The following TAFA5 variants were observed in gnomAD, a reference collection of about 807,000 sequenced individuals.
The protein encoded by TAFA5 is TAFA chemokine like family member 5.
Under a neutral mutation model 15.3 loss-of-function variants are expected in TAFA5, and 6 were observed. The ratio of observed to expected loss-of-function variants is 0.39; its 90% confidence interval spans 0.21 to 0.77. The LOEUF (loss-of-function observed/expected upper bound fraction) is 0.77. Among genes scored for constraint, TAFA5 ranks in the 30% least tolerant of loss-of-function variants. The pLI, the probability that TAFA5 is intolerant of heterozygous loss-of-function variation, is 0.41. For synonymous variants in TAFA5, 103 were observed against 80.7 expected, an observed-to-expected ratio of 1.28 and a Z score of -1.48; for missense variants, 161 against 193.1, an observed-to-expected ratio of 0.83 and a Z score of 0.98.
chr22:48,511,836 G>A (rs550484751), intron 1 of TAFA5, among the ~76,000 whole-genome samples: 6 of 152,252 alleles, frequency 3.9e-5, no homozygotes, highest in Non-Finnish European at 7.3e-5. Context: ...CTTGTGCCTG[G>A]TGCGTCCCCC....
At chr22:48,565,625 A>G (rs766164885) in intron 1 of TAFA5, among the ~76,000 whole-genome samples, 2 of 152,138 alleles carry the variant, frequency 1.3e-5, no homozygotes, top group African/African-American at 2.4e-5. Context: ...TAGGTTCTGG[A>G]CATCCACCTA....
At chr22:48,629,340 C>A (rs1421707435) in intron 1 of TAFA5, among the ~76,000 whole-genome samples, 1 of 152,210 alleles carries the variant, frequency 6.6e-6, no homozygotes, top group Non-Finnish European at 1.5e-5. Flanking sequence ...GCGGCCCCTC[C>A]TCGTCCTGGC....
chr22:48,491,732 G>A (rs1449490822), intron 1 of TAFA5, among the ~76,000 whole-genome samples: 3 of 152,208 alleles, frequency 2.0e-5, no homozygotes, highest in African/African-American at 7.2e-5. Context: ...ACACCTTCCT[G>A]AGACTGTCGC....
chr22:48,502,946 T>G, intron 1 of TAFA5, among the ~76,000 whole-genome samples: 1 of 152,328 alleles, frequency 6.6e-6, no homozygotes, highest in East Asian at 1.9e-4. Context: ...ACGGGTCATA[T>G]AGGACTCATG....
chr22:48,657,812 A>G (rs967048228), intron 2 of TAFA5, among the ~76,000 whole-genome samples: 1 of 152,220 alleles, frequency 6.6e-6, no homozygotes. Context: ...GGGAGACCCG[A>G]TGATGAACAA....
At position 48,630,729 on chromosome 22, in the gene TAFA5, G is replaced by A. The variant is rs1381408580; in HGVS notation, c.113-15868G>A. 5.9e-5 allele frequency among the ~76,000 whole-genome samples: 9 copies of A among 152,310 alleles called. No homozygotes were observed. In the East Asian group the frequency reaches 9.7e-4, roughly 16 times the overall value. On this transcript the variant is annotated intron_variant, in intron 1 of 3. Transcript: ENST00000402357. ...CACACAGGCTGCAGGGCTGGCTACC[G>A]GGGCCCTGAATCACGGGGGCGATGA...
chr22:48,598,797 AC>A lies in TAFA5; in HGVS notation c.113-47798del, dbSNP rs1378578408. 3.3e-5 allele frequency among the ~76,000 whole-genome samples: 5 copies of A among 152,202 alleles called. No homozygotes were observed. In the East Asian group the frequency reaches 9.7e-4, roughly 29 times the overall value. On this transcript the variant is annotated intron_variant, in intron 1 of 3. Transcript: ENST00000402357. The surrounding 1 kb of genome is among the most constrained non-coding windows in gnomAD (Gnocchi z 4.0). Reference sequence around the variant, plus strand: ...CCACAAGACTGCTCCCCCTTCAGATACCAAGTCCAAGTGCCACCAGTGGAAC... The same window carrying A: ...CCACAAGACTGCTCCCCCTTCAGATACAAGTCCAAGTGCCACCAGTGGAAC...
chr22:48,608,024 C>T (rs894184223), intron 1 of TAFA5, among the ~76,000 whole-genome samples: 5 of 151,602 alleles, frequency 3.3e-5, no homozygotes, highest in Non-Finnish European at 7.4e-5. Context: ...GGAATTCTCA[C>T]ACCACGACAG....
intron 1 of TAFA5, among the ~76,000 whole-genome samples, chr22:48,577,459 C>T (rs1406335070): frequency 6.6e-6 from 1 of 152,208 alleles, no homozygotes; most frequent in Non-Finnish European, 1.5e-5. Context: ...GGCACCCCTG[C>T]TCATGGTTAC....
chr22:48,741,830 A>G (rs1930188539), intron 3 of TAFA5, among the ~76,000 whole-genome samples: 1 of 152,246 alleles, frequency 6.6e-6, no homozygotes, highest in Admixed American at 6.5e-5. Flanking sequence ...ACCTGGTTAC[A>G]GCAGCTCCAG....
intron 1 of TAFA5, among the ~76,000 whole-genome samples, chr22:48,521,177 G>A (rs1255004605): frequency 1.3e-5 from 2 of 152,086 alleles, no homozygotes; most frequent in East Asian, 1.9e-4. Context: ...CCCTATCATC[G>A]CTCCTCTGGC....
intron 1 of TAFA5, among the ~76,000 whole-genome samples, chr22:48,595,071 C>G (rs991219912): frequency 2.0e-5 from 3 of 152,130 alleles, no homozygotes; most frequent in Admixed American, 1.3e-4. Context: ...AGCCTGTGAC[C>G]GGGTGGTGGT....
chr22:48,525,731 G>C (rs1307885069), intron 1 of TAFA5, among the ~76,000 whole-genome samples: 1 of 152,190 alleles, frequency 6.6e-6, no homozygotes, highest in Non-Finnish European at 1.5e-5. Flanking sequence ...AAGAAGCCCT[G>C]CCTACCCGAG....
chr22:48,501,853 C>A (rs1328449575), intron 1 of TAFA5, among the ~76,000 whole-genome samples: 1 of 152,200 alleles, frequency 6.6e-6, no homozygotes, highest in Admixed American at 6.5e-5. Flanking sequence ...CCACTAGCAC[C>A]CAGGCTTACT....
chr22:48,744,045 C>T (rs566748619), intron 3 of TAFA5, among the ~76,000 whole-genome samples: 2 of 152,330 alleles, frequency 1.3e-5, no homozygotes, highest in East Asian at 3.9e-4. Flanking sequence ...CTCCGAGTTG[C>T]GCCTGCCAAG....
chr22:48,718,274 C>T (rs991267829), intron 3 of TAFA5, among the ~76,000 whole-genome samples: 14 of 152,156 alleles, frequency 9.2e-5, no homozygotes, highest in South Asian at 2.1e-4. Flanking sequence ...CCGCTGTGGC[C>T]GTCATTAGTC....
intron 1 of TAFA5, among the ~76,000 whole-genome samples, chr22:48,612,621 C>T (rs28461435): frequency 0.62 from 93,959 of 151,958 alleles, 29,720 homozygotes; most frequent in East Asian, 0.88. Flanking sequence ...ACGTGTCTCC[C>T]GTTCCCCGCG....
intron 1 of TAFA5, among the ~76,000 whole-genome samples, chr22:48,635,118 C>T (rs1027865282): frequency 6.6e-6 from 1 of 152,148 alleles, no homozygotes; most frequent in African/African-American, 2.4e-5. Context: ...AGAGCACAGC[C>T]GGCCTTGTTC....
rs371216413 is a variant in TAFA5, at chr22:48,613,964, G to A, written c.113-32633G>A. Among the ~76,000 whole-genome samples the A allele has an allele frequency of 3.5e-3, 529 of 152,312 alleles. 4 individuals carry two copies. The highest frequency in any genetic ancestry group is 0.012 in the African/African-American group (515 of 41,578). On this transcript the variant is annotated intron_variant, in intron 1 of 3. Coordinates refer to ENST00000402357, the MANE Select transcript of TAFA5 (RefSeq NM_001082967.3). ...CCGCTTCCCACCACCCCCGGCTCGC[G>A]GCCCCTGCGAGATGGGATTCTGTGG...
Sources: gnomAD v4.1 joint callset for allele counts (sites outside exome capture counted in the v4.1 genomes callset) on GRCh38, gnomAD v4.1.1 for gene constraint, Gnocchi (gnomAD v3.1) non-coding constraint, MANE v1.5 for transcripts, NCBI Gene and HGNC (gene_info 2026-07-23, HGNC 2026-07-21) for gene names.